Variants in SLC10A7 observed in about 807,000 individuals in gnomAD.
SLC10A7 encodes sodium/bile acid cotransporter 7.
SLC10A7 carries 29 observed loss-of-function variants against 43.2 expected under a neutral mutation model. The observed-to-expected ratio is 0.67, with a 90% CI of 0.50 to 0.92. The LOEUF (loss-of-function observed/expected upper bound fraction) is 0.92. Ranked by LOEUF, SLC10A7 falls within the 40% of genes least tolerant of loss-of-function variation. SLC10A7 has a pLI of 0.00. For synonymous variants in SLC10A7, 152 were observed against 144.8 expected (o/e 1.05, Z -0.35); for missense variants, 295 against 403.2 (o/e 0.73, Z 2.30).
At chr4:146,348,970 A>G (rs1186036264) in intron 5 of SLC10A7, among the ~76,000 whole-genome samples, 5 of 152,330 alleles carry the variant, frequency 3.3e-5, no homozygotes, top group East Asian at 3.9e-4. Flanking sequence ...ACAGATGAGA[A>G]CCAAATCAAT....
Position 146,449,531 on chromosome 4 carries a change from T to C in SLC10A7, c.397-6710A>G, listed in dbSNP as rs181702263. ...AGAGATAGCGTGTAGACCCCTGCTATGACAGAGGGCATTGAGGGCCACAGT... is the reference window on the plus strand; with the variant it reads ...AGAGATAGCGTGTAGACCCCTGCTACGACAGAGGGCATTGAGGGCCACAGT... On this transcript the variant is annotated intron_variant, in intron 4 of 11. Transcript: ENST00000335472. Among the ~76,000 whole-genome samples the C allele has an allele frequency of 2.9e-4, 44 of 152,218 alleles. No individual in the cohort carries two copies. In the East Asian group the frequency reaches 8.3e-3, roughly 29 times the overall value.
chr4:146,306,533 A>G (rs1731585588), intron 6 of SLC10A7, among the ~76,000 whole-genome samples: 1 of 152,148 alleles, frequency 6.6e-6, no homozygotes, highest in African/African-American at 2.4e-5. Flanking sequence ...AATATAACTT[A>G]TTTTTCAACT....
chr4:146,471,391 G>A (rs1227331162), intron 4 of SLC10A7, among the ~76,000 whole-genome samples: 6 of 152,118 alleles, frequency 3.9e-5, no homozygotes, highest in Non-Finnish European at 8.8e-5. Context: ...TTGAAGTATG[G>A]CTTATTATAA....
In SLC10A7 at chr4:146,294,138, A is replaced by C. The variant is rs746119064; in HGVS notation, c.556-43T>G. On this transcript the variant is annotated intron_variant, in intron 7 of 11. Coordinates refer to ENST00000335472, the MANE Select transcript of SLC10A7 (RefSeq NM_001029998.6). ...ACAGGTTGCCTCTTTTCAGAGATGG[A>C]GGGAGTTGAAATGGGCATCACAAAG... is the stretch of plus-strand genomic sequence containing the variant. The C allele has an allele frequency of 2.0e-6, 3 of 1,470,472 alleles. No homozygotes were observed. In the Admixed American group the frequency reaches 5.7e-5, roughly 28 times the overall value. 91.1% of individuals were successfully genotyped at this position (1,470,472 alleles called of 1,614,324 possible). A position where few individuals can be genotyped will look rare whatever the true frequency, so the allele number is the denominator to read the frequency against.
chr4:146,440,815 A>T (rs1353816035), intron 5 of SLC10A7, among the ~76,000 whole-genome samples: 2 of 152,168 alleles, frequency 1.3e-5, no homozygotes, highest in Non-Finnish European at 2.9e-5. Context: ...AAAAAAAGTA[A>T]AACAACGCTT....
In SLC10A7 at chr4:146,299,183, C is replaced by A. The variant is rs535009256; in HGVS notation, c.556-5088G>T. On this transcript the variant is annotated intron_variant, in intron 7 of 11. Transcript: ENST00000335472. ...AGATGCATATAACAATCCATACAAG[C>A]GTTTATTTTCATAATTTGGCACTCC... 9.9e-5 allele frequency among the ~76,000 whole-genome samples: 15 copies of A among 152,266 alleles called. No homozygotes were observed. The South Asian group carries it at 2.9e-3, about 29-fold the overall frequency.
rs61027778 is a variant in SLC10A7, at chr4:146,481,402, T to TTGC, written c.396+22444_396+22446dup. Among the ~76,000 whole-genome samples, 85 of 152,086 alleles carry TTGC rather than the reference T, an allele frequency of 5.6e-4. 1 individual carries two copies. The East Asian group carries it at 0.014, about 25-fold the overall frequency. The stretch of plus-strand genomic sequence containing the variant: ...GTGGCATCTTACCATGCCTGGGTCC[T>TTGC]TGCTGCTGCTGCTGCTGCTGCACTT... On this transcript the variant is annotated intron_variant, in intron 4 of 11. Transcript: ENST00000335472.
At chr4:146,350,274 C>T (rs1446588533) in intron 5 of SLC10A7, among the ~76,000 whole-genome samples, 3 of 151,692 alleles carry the variant, frequency 2.0e-5, no homozygotes, top group Non-Finnish European at 4.4e-5. Flanking sequence ...GGGTGACAGA[C>T]GCACCTGGAA....
intron 9 of SLC10A7, among the ~76,000 whole-genome samples, chr4:146,286,719 G>A (rs1459619850): frequency 1.0e-4 from 15 of 150,564 alleles, no homozygotes; most frequent in African/African-American, 3.7e-4. Flanking sequence ...GTGGTGAGAA[G>A]GACTGAGTTT....
intron 5 of SLC10A7, among the ~76,000 whole-genome samples, chr4:146,349,761 C>T (rs538860002): frequency 6.6e-6 from 1 of 152,086 alleles, no homozygotes; most frequent in African/African-American, 2.4e-5. Flanking sequence ...TGCACATTCT[C>T]ACTTACAAGC....
intron 5 of SLC10A7, among the ~76,000 whole-genome samples, chr4:146,363,476 A>G (rs1050004355): frequency 6.6e-6 from 1 of 152,078 alleles, no homozygotes; most frequent in African/African-American, 2.4e-5. Flanking sequence ...CCAACAAAGA[A>G]ATATCAATCT....
intron 1 of SLC10A7, among the ~76,000 whole-genome samples, chr4:146,518,477 T>C (rs3914630): frequency 3.3e-5 from 5 of 152,268 alleles, no homozygotes; most frequent in African/African-American, 1.2e-4. Flanking sequence ...TCTTGGTACA[T>C]GGCAACATTT....
At chr4:146,301,002 A>T (rs758691293) in intron 7 of SLC10A7, among the ~76,000 whole-genome samples, 3 of 152,196 alleles carry the variant, frequency 2.0e-5, no homozygotes, top group Non-Finnish European at 4.4e-5. Context: ...TATACCTATA[A>T]ATAGTAACCT....
rs1285880107 is a variant in SLC10A7, at chr4:146,305,925, C to A, written c.555+1G>T. ...AGATCAGATAGAATTGGAGGCCTTA[C>A]CTGTCCAATGATGAGAGGAACCACA... On this transcript the variant is annotated splice_donor_variant, in intron 7 of 11. Transcript: ENST00000335472. LOFTEE classifies it high-confidence loss of function. 4.4e-6 allele frequency: 7 copies of A among 1,602,294 alleles called. No individual in the cohort carries two copies. Among genetic ancestry groups the A allele is most frequent in the Admixed American group, 1.7e-5 (1 of 57,498 alleles).
chr4:146,510,873 C>T (rs1737398234), intron 2 of SLC10A7, among the ~76,000 whole-genome samples: 3 of 152,106 alleles, frequency 2.0e-5, no homozygotes, highest in Admixed American at 1.3e-4. Context: ...AAATATTTCC[C>T]TCAATGATAG....
chr4:146,422,431 C>T (rs995414027), intron 5 of SLC10A7, among the ~76,000 whole-genome samples: 1 of 151,992 alleles, frequency 6.6e-6, no homozygotes, highest in Non-Finnish European at 1.5e-5. Flanking sequence ...TAAGTCTTTA[C>T]TTATTTAGAA....
At chr4:146,288,243 C>T (rs1486829660) in intron 9 of SLC10A7, among the ~76,000 whole-genome samples, 35 of 152,198 alleles carry the variant, frequency 2.3e-4, no homozygotes, top group Admixed American at 2.2e-3. Context: ...AGGACTGGAG[C>T]GCTGTATCGG....
chr4:146,292,558 G>A (rs929321529), intron 9 of SLC10A7, among the ~76,000 whole-genome samples: 1 of 152,188 alleles, frequency 6.6e-6, no homozygotes, highest in African/African-American at 2.4e-5. Flanking sequence ...TGAGTCTAAG[G>A]TCTTGTTAAG....
chr4:146,429,769 G>A (rs1300682189), intron 5 of SLC10A7, among the ~76,000 whole-genome samples: 1 of 152,036 alleles, frequency 6.6e-6, no homozygotes, highest in African/African-American at 2.4e-5. Flanking sequence ...GATAGGTTTT[G>A]AAGGACAGCT....
Sources: gnomAD v4.1 joint callset for allele counts (sites outside exome capture counted in the v4.1 genomes callset) on GRCh38, gnomAD v4.1.1 for gene constraint, MANE v1.5 for transcripts, NCBI Gene and HGNC (gene_info 2026-07-23, HGNC 2026-07-21) for gene names.